The following RAPGEF1 variants were observed in gnomAD, a reference collection of about 807,000 sequenced individuals.
RAPGEF1 encodes Rap guanine nucleotide exchange factor 1.
A neutral mutation model predicts 143.3 loss-of-function variants in RAPGEF1; 33 were observed. That is an observed-to-expected ratio of 0.23 (90% confidence interval 0.17 to 0.31). The LOEUF (loss-of-function observed/expected upper bound fraction) is 0.31. Ranked by LOEUF, RAPGEF1 falls within the 10% of genes least tolerant of loss-of-function variation. The pLI, the probability that RAPGEF1 is intolerant of heterozygous loss-of-function variation, is 1.00. For missense variants in RAPGEF1, 1,199 were observed against 1,645.4 expected (o/e 0.73, Z 4.69); for synonymous variants, 629 against 676.5 (o/e 0.93, Z 1.09).
rs71374114 is a variant in RAPGEF1, at chr9:131,587,305, AAC to A, written c.3233+429_3233+430del. On this transcript the variant is annotated intron_variant, in intron 22 of 26. Coordinates refer to ENST00000683357, the MANE Select transcript of RAPGEF1 (RefSeq NM_001377935.1). ...ACCTGCAGAGCGAGACTCCGTCTCA[AAC>A]ACACACACACACACACACACGAATT... 1.6e-3 allele frequency among the ~76,000 whole-genome samples: 142 copies of A among 88,354 alleles called. 9 individuals are homozygous for A. Among genetic ancestry groups the A allele is most frequent in the African/African-American group, 4.7e-3 (104 of 22,010 alleles). The allele number at this position is 88,354 out of a possible 152,430, so 58.0% of individuals were successfully genotyped here.
At chr9:131,626,523 T>C (rs1368502911) in intron 9 of RAPGEF1, 101 bp from the exon 10 acceptor site, 43 of 1,217,962 alleles carry the variant, frequency 3.5e-5, no homozygotes, top group Non-Finnish European at 4.8e-5. Flanking sequence ...CATGGGTGTG[T>C]GACAAAGACC....
Position 131,626,006 on chromosome 9 carries a change from C to G in RAPGEF1, c.1618G>C (p.Glu540Gln), listed in dbSNP as rs749868886. 1 of 1,609,760 alleles carries G rather than the reference C, an allele frequency of 6.2e-7. No individual in the cohort carries two copies. The highest frequency in any genetic ancestry group is 1.1e-5 in the South Asian group (1 of 91,002). Residue 540 changes from glutamate to glutamine, a missense_variant, in exon 10 of 27, where the codon GAA (glutamate) becomes CAA (glutamine). Transcript: ENST00000683357. Reference protein sequence around the residue: ...FQHGGSSAPVEFVGDFTAPES... With the variant: ...FQHGGSSAPVQFVGDFTAPES... Reference sequence around the variant, plus strand: ...GGAGCAGTAAAATCACCCACAAATTCGACAGGGGCTGAGGAACCTCCATGC... The same window carrying G: ...GGAGCAGTAAAATCACCCACAAATTGGACAGGGGCTGAGGAACCTCCATGC...
intron 14 of RAPGEF1, among the ~76,000 whole-genome samples, chr9:131,602,684 T>C (rs1956459071): frequency 6.6e-6 from 1 of 152,192 alleles, no homozygotes; most frequent in Admixed American, 6.5e-5. Flanking sequence ...ACTCTGCTGA[T>C]TTAAAGAAGT....
chr9:131,588,572 C>T (rs574320852), intron 20 of RAPGEF1, among the ~76,000 whole-genome samples: 31 of 152,306 alleles, frequency 2.0e-4, no homozygotes, highest in African/African-American at 7.0e-4. Flanking sequence ...TCCTATGAAG[C>T]CCCATGCCCT....
intron 12 of RAPGEF1, among the ~76,000 whole-genome samples, chr9:131,616,786 G>A (rs1386318421): frequency 6.6e-6 from 1 of 152,190 alleles, no homozygotes; most frequent in Non-Finnish European, 1.5e-5. Flanking sequence ...GTAATCCAAA[G>A]CTCTATGTCT....
In RAPGEF1 at chr9:131,602,131, C is replaced by T. The variant is rs773323616; in HGVS notation, c.2431G>A (p.Asp811Asn). Residue 811 changes from aspartate (D) to asparagine (N), a missense_variant, in exon 15 of 27, where the codon GAC (aspartate) becomes AAC (asparagine). Transcript: ENST00000683357. ...GCTGAGGGATCTCTGGGATGTCCGTCTTTCCCAGCCGGTGGCTCCTGGAAA... is the reference window on the plus strand; with the variant it reads ...GCTGAGGGATCTCTGGGATGTCCGTTTTTCCCAGCCGGTGGCTCCTGGAAA... Reference protein sequence around the residue: ...PSRGEPPAGKDGHPRDPSAVS... With the variant: ...PSRGEPPAGKNGHPRDPSAVS... 1.4e-5 allele frequency: 23 copies of T among 1,594,350 alleles called. No homozygotes were observed. The South Asian group carries it at 2.6e-4, about 18-fold the overall frequency.
At chr9:131,697,192 T>TCTTG (rs959414804) in intron 1 of RAPGEF1, among the ~76,000 whole-genome samples, 23 of 91,936 alleles carry the variant, frequency 2.5e-4, no homozygotes, top group Middle Eastern at 5.5e-3. Flanking sequence ...CTCCATCCCT[T>TCTTG]CTCGCTCCCT....
chr9:131,601,960 C>A, intron 15 of RAPGEF1, 101 bp downstream of exon 15: 1 of 783,940 alleles, frequency 1.3e-6, no homozygotes, highest in Non-Finnish European at 2.0e-6. Flanking sequence ...ACTTGAAATA[C>A]CCTCAGGCCT....
intron 25 of RAPGEF1, among the ~76,000 whole-genome samples, chr9:131,581,571 T>C (rs1951872975): frequency 6.6e-6 from 1 of 150,898 alleles, no homozygotes; most frequent in Non-Finnish European, 1.5e-5. Flanking sequence ...TGGTTGCGCA[T>C]GCCTGTAGTC....
At chr9:131,732,040 C>T (rs1215110552) in intron 1 of RAPGEF1, among the ~76,000 whole-genome samples, 1 of 152,078 alleles carries the variant, frequency 6.6e-6, no homozygotes, top group African/African-American at 2.4e-5. Flanking sequence ...GATGAACCTC[C>T]CCCCCTGTAC....
At chr9:131,629,593 C>T (rs1412743579) in intron 6 of RAPGEF1, among the ~76,000 whole-genome samples, 1 of 152,066 alleles carries the variant, frequency 6.6e-6, no homozygotes, top group East Asian at 1.9e-4. Context: ...GAGTTTGAGA[C>T]CAGCTTGGCC....
At chr9:131,679,101 A>G (rs1407086126) in intron 1 of RAPGEF1, among the ~76,000 whole-genome samples, 2 of 149,398 alleles carry the variant, frequency 1.3e-5, no homozygotes, top group Non-Finnish European at 3.0e-5. Context: ...TCCTAGGACA[A>G]ATATGGCCCT....
At chr9:131,681,009 G>A (rs1832863733) in intron 1 of RAPGEF1, among the ~76,000 whole-genome samples, 1 of 152,136 alleles carries the variant, frequency 6.6e-6, no homozygotes, top group South Asian at 2.1e-4. Context: ...GAGTAAGAAG[G>A]GGAGCTCAGA....
intron 5 of RAPGEF1, among the ~76,000 whole-genome samples, chr9:131,631,871 A>T (rs1393538730): frequency 6.6e-6 from 1 of 152,232 alleles, no homozygotes; most frequent in East Asian, 1.9e-4. Context: ...CTTGGATGGT[A>T]ATAAAATAGA....
At chr9:131,603,522 G>C (rs937709399) in intron 14 of RAPGEF1, among the ~76,000 whole-genome samples, 1 of 152,166 alleles carries the variant, frequency 6.6e-6, no homozygotes, top group Non-Finnish European at 1.5e-5. Context: ...GTCAGTGTTG[G>C]AGCAATGGGA....
At chr9:131,588,716 C>G in intron 20 of RAPGEF1, 85 bp downstream of exon 20, 1 of 1,375,772 alleles carries the variant, frequency 7.3e-7, no homozygotes, top group Non-Finnish European at 9.8e-7. Flanking sequence ...CAGGATGGGG[C>G]TGTGGGGCTG....
intron 3 of RAPGEF1, among the ~76,000 whole-genome samples, chr9:131,649,244 G>A (rs957902237): frequency 1.5e-5 from 2 of 132,794 alleles, no homozygotes; most frequent in African/African-American, 5.6e-5. Flanking sequence ...TAGTAGAGAC[G>A]GAGTTTTGTC....
At chr9:131,633,988 G>A (rs1395187456) in intron 5 of RAPGEF1, among the ~76,000 whole-genome samples, 1 of 152,206 alleles carries the variant, frequency 6.6e-6, no homozygotes, top group Non-Finnish European at 1.5e-5. Context: ...AAGGCCAGAC[G>A]TGGTTGCTCA....
intron 1 of RAPGEF1, among the ~76,000 whole-genome samples, chr9:131,730,269 G>A (rs185707957): frequency 3.4e-5 from 5 of 149,116 alleles, no homozygotes; most frequent in Non-Finnish European, 5.9e-5. Flanking sequence ...GTACAAAAAT[G>A]TTTCAAAAGC....
Sources: allele counts gnomAD v4.1 joint callset (sites outside exome capture counted in the v4.1 genomes callset), GRCh38; gene constraint gnomAD v4.1.1; transcripts MANE v1.5; gene names NCBI Gene and HGNC (gene_info 2026-07-23, HGNC 2026-07-21).